The following HEG1 variants were observed in gnomAD, a reference collection of about 807,000 sequenced individuals.
The protein encoded by HEG1 is heart development protein with EGF like domains 1.
In HEG1, 56 loss-of-function variants were observed where a neutral mutation model predicts 125.6. The ratio of observed to expected loss-of-function variants is 0.45; its 90% CI spans 0.36 to 0.56. HEG1 has a LOEUF of 0.56. HEG1 is among the 20% of genes least tolerant of loss of function. The pLI is 0.00. For synonymous variants in HEG1, 644 were observed against 668.5 expected (o/e 0.96, Z 0.57); for missense variants, 1,523 against 1,670.0 (o/e 0.91, Z 1.53).
In HEG1 at chr3:124,965,982, C is replaced by G. The variant is rs1457151463; in HGVS notation, c.*4670G>C. The G allele has an allele frequency of 6.6e-6, 1 of 152,170 alleles. No homozygotes were observed. Among genetic ancestry groups the G allele is most frequent in the Admixed American group, 6.5e-5 (1 of 15,274 alleles). The allele number at this position is 152,170 out of a possible 1,614,324, so 9.4% of individuals were successfully genotyped here. On this transcript the variant is annotated 3_prime_UTR_variant, in exon 17 of 17. Coordinates refer to ENST00000311127, the MANE Select transcript of HEG1 (RefSeq NM_020733.2). ...AAGTTCATATTCCAGCTAAATGCTT[C>G]ATTTAACCGTCAATCCACCAACACA...
At chr3:125,018,932 T>C (rs1560027432) in intron 5 of HEG1, among the ~76,000 whole-genome samples, 1 of 149,544 alleles carries the variant, frequency 6.7e-6, no homozygotes, top group Non-Finnish European at 1.5e-5. Context: ...AGTGGTGCGA[T>C]CTCAGCTAAC....
At chr3:125,054,402 AG>A (rs1486983712) in intron 1 of HEG1, among the ~76,000 whole-genome samples, 1 of 152,262 alleles carries the variant, frequency 6.6e-6, no homozygotes, top group African/African-American at 2.4e-5. Flanking sequence ...GAGTTTTTAC[AG>A]GAGAACTTGA....
At chr3:125,041,472 G>A (rs892135837) in intron 1 of HEG1, among the ~76,000 whole-genome samples, 3 of 152,220 alleles carry the variant, frequency 2.0e-5, no homozygotes, top group Non-Finnish European at 4.4e-5. Context: ...CGAGGATATG[G>A]AGAACTCAGA....
intron 14 of HEG1, among the ~76,000 whole-genome samples, chr3:124,985,872 G>A (rs1010785922): frequency 6.6e-6 from 1 of 152,230 alleles, no homozygotes; most frequent in Non-Finnish European, 1.5e-5. Context: ...CTGCCTCCCA[G>A]GTTCAAGCGA....
At position 125,013,015 on chromosome 3, in the gene HEG1, G is replaced by T. The variant is rs1184905246; in HGVS notation, c.2564C>A (p.Thr855Asn). The change falls in exon 6 of 17, where the codon ACC becomes AAC. Residue 855 changes from threonine to asparagine, a missense_variant. Transcript: ENST00000311127. ...TGTGCTTGACAGGGTGCCAGGAGTG[G>T]TCATAAGAGGCTGAGAGGTCTTCAG... ...TILKTSQPLM[T>N]TPGTLSSTAS... The T allele has an allele frequency of 6.2e-7, 1 of 1,614,076 alleles. No individual in the cohort carries two copies. The highest frequency in any genetic ancestry group is 1.3e-5 in the African/African-American group (1 of 75,070).
At chr3:124,991,127 T>A in intron 12 of HEG1, 141 bp from the exon 13 acceptor site, 2 of 648,966 alleles carry the variant, frequency 3.1e-6, no homozygotes, top group Non-Finnish European at 5.4e-6. Context: ...GATCCTCACT[T>A]AAATACTGTT....
chr3:124,980,563 C>T (rs1014393314), intron 14 of HEG1, among the ~76,000 whole-genome samples: 20 of 152,080 alleles, frequency 1.3e-4, no homozygotes, highest in African/African-American at 4.8e-4. Context: ...ATTGCCCAGG[C>T]TGGAGTGCAA....
chr3:125,003,659 G>C (rs1300107955), intron 9 of HEG1, among the ~76,000 whole-genome samples: 1 of 152,150 alleles, frequency 6.6e-6, no homozygotes, highest in Non-Finnish European at 1.5e-5. Flanking sequence ...ACCTCTAGAG[G>C]GGCTGGAGAT....
At chr3:124,994,255 G>C (rs1442624504) in intron 12 of HEG1, among the ~76,000 whole-genome samples, 1 of 152,170 alleles carries the variant, frequency 6.6e-6, no homozygotes, top group East Asian at 1.9e-4. Context: ...GATGTGACAG[G>C]AGGCGGAACT....
intron 1 of HEG1, among the ~76,000 whole-genome samples, chr3:125,044,158 GAGGGAGCTCC>G (rs1372039444): frequency 6.6e-6 from 1 of 152,252 alleles, no homozygotes; most frequent in Admixed American, 6.5e-5. Context: ...TGGCTGATGG[GAGGGAGCTCC>G]AGGGCCTCCG....
chr3:124,985,779 A>G (rs183979787), intron 14 of HEG1, among the ~76,000 whole-genome samples: 1 of 152,154 alleles, frequency 6.6e-6, no homozygotes, highest in African/African-American at 2.4e-5. Context: ...CTTTCCAGAT[A>G]TTTATTCGTT....
chr3:125,003,011 G>T (rs1937021595), intron 9 of HEG1, among the ~76,000 whole-genome samples: 1 of 152,178 alleles, frequency 6.6e-6, no homozygotes. Context: ...ATCCACCTGT[G>T]TTCAAGGCCC....
rs966173477 is a variant in HEG1, at chr3:125,017,970, A to C, written c.1588+1292T>G. Among the ~76,000 whole-genome samples the C allele has an allele frequency of 3.3e-5, 5 of 152,122 alleles. 1 individual carries two copies. Among genetic ancestry groups the C allele is most frequent in the South Asian group, 4.2e-4 (2 of 4,812 alleles). ...CGTGAACCCGGAAGTCGGAGATTGC[A>C]GTGAGCCGGGATGGTGCCACTGCAC... On this transcript the variant is annotated intron_variant, in intron 5 of 16. Transcript: ENST00000311127.
intron 14 of HEG1, among the ~76,000 whole-genome samples, chr3:124,990,085 G>A (rs935099548): frequency 2.0e-5 from 3 of 152,020 alleles, no homozygotes; most frequent in South Asian, 2.1e-4. Context: ...CCCCATACCC[G>A]CCAGTCTAAA....
intron 1 of HEG1, among the ~76,000 whole-genome samples, chr3:125,041,596 G>T (rs1363637328): frequency 6.6e-6 from 1 of 152,140 alleles, no homozygotes; most frequent in South Asian, 2.1e-4. Flanking sequence ...CCACTTCTGG[G>T]TCTATATGCA....
intron 8 of HEG1, among the ~76,000 whole-genome samples, chr3:125,007,855 T>C (rs1435389233): frequency 1.3e-5 from 2 of 152,212 alleles, no homozygotes; most frequent in African/African-American, 4.8e-5. Context: ...GGCAATATCT[T>C]AGTGCGTGGC....
At chr3:124,980,087 C>A (rs1369764964) in intron 14 of HEG1, among the ~76,000 whole-genome samples, 5 of 152,158 alleles carry the variant, frequency 3.3e-5, no homozygotes, top group Non-Finnish European at 7.3e-5. Context: ...TCTTTTTTAA[C>A]AAAAGTGAAG....
At chr3:124,995,878 T>C (rs1448536860) in intron 12 of HEG1, among the ~76,000 whole-genome samples, 1 of 152,166 alleles carries the variant, frequency 6.6e-6, no homozygotes, top group East Asian at 1.9e-4. Context: ...AATTACAAAA[T>C]TGCTGACTTG....
At chr3:125,025,562 G>A (rs551095538) in intron 3 of HEG1, among the ~76,000 whole-genome samples, 19 of 152,180 alleles carry the variant, frequency 1.2e-4, no homozygotes, top group South Asian at 4.2e-4. Flanking sequence ...AAAAATATAC[G>A]TGAAAAAAAT....
Sources: gnomAD v4.1 joint callset for allele counts (sites outside exome capture counted in the v4.1 genomes callset) on GRCh38, gnomAD v4.1.1 for gene constraint, MANE v1.5 for transcripts, NCBI Gene and HGNC (gene_info 2026-07-23, HGNC 2026-07-21) for gene names.